The following MICU1 variants were observed in gnomAD, a reference collection of about 807,000 sequenced individuals.
The protein encoded by MICU1 is calcium uptake protein 1, mitochondrial.
MICU1 carries 45 observed loss-of-function variants against 56.8 expected under a neutral mutation model. The ratio of observed to expected loss-of-function variants is 0.79; its 90% CI spans 0.62 to 1.02. The LOEUF (loss-of-function observed/expected upper bound fraction) is 1.02, where lower values mean the gene tolerates loss of function less well. Ranked by LOEUF, MICU1 falls within the 50% of genes least tolerant of loss-of-function variation. The pLI, the probability that MICU1 is intolerant of heterozygous loss-of-function variation, is 0.00. For missense variants in MICU1, 504 were observed against 587.1 expected (o/e 0.86, Z 1.46); for synonymous variants, 186 against 195.1 (o/e 0.95, Z 0.39).
At chr10:72,413,931 A>G (rs550546020) in intron 9 of MICU1, among the ~76,000 whole-genome samples, 13 of 152,326 alleles carry the variant, frequency 8.5e-5, no homozygotes, top group Admixed American at 8.5e-4. Flanking sequence ...ACAATGATAT[A>G]CCACTACACA....
intron 6 of MICU1, among the ~76,000 whole-genome samples, chr10:72,497,173 C>T (rs1183781616): frequency 6.6e-6 from 1 of 152,078 alleles, no homozygotes; most frequent in Non-Finnish European, 1.5e-5. Flanking sequence ...AATTCTCCTG[C>T]CTCAGCCTCC....
chr10:72,533,027 C>T, intron 5 of MICU1: 1 of 1,289,160 alleles, frequency 7.8e-7, no homozygotes, highest in Non-Finnish European at 1.0e-6. Flanking sequence ...GTCCTTCTGA[C>T]TTCCTGTTCA....
intron 9 of MICU1, among the ~76,000 whole-genome samples, chr10:72,421,018 AT>A (rs1217291559): frequency 0.048 from 6,053 of 127,126 alleles, 283 homozygotes; most frequent in African/African-American, 0.14. Flanking sequence ...AAAAAAAAAA[AT>A]AATAATAATA....
chr10:72,448,043 T>A (rs1865159794), intron 8 of MICU1, among the ~76,000 whole-genome samples: 1 of 151,530 alleles, frequency 6.6e-6, no homozygotes, highest in Non-Finnish European at 1.5e-5. Flanking sequence ...TCATCCATTT[T>A]AATTCTCACC....
chr10:72,447,155 A>G (rs1287378659), intron 8 of MICU1, among the ~76,000 whole-genome samples: 1 of 152,222 alleles, frequency 6.6e-6, no homozygotes, highest in African/African-American at 2.4e-5. Context: ...GCAAAGGTTT[A>G]CGGAAACAGG....
At chr10:72,420,368 A>G (rs1864118305) in intron 9 of MICU1, among the ~76,000 whole-genome samples, 1 of 150,136 alleles carries the variant, frequency 6.7e-6, no homozygotes, top group Non-Finnish European at 1.5e-5. Flanking sequence ...GCCATAAGAC[A>G]TGTCTTTTCT....
chr10:72,367,370 T>A lies in MICU1; in HGVS notation c.*825A>T, dbSNP rs1002610159. 6.6e-6 allele frequency: 1 copy of A among 152,344 alleles called. No individual in the cohort carries two copies. The highest frequency in any genetic ancestry group is 2.4e-5 in the African/African-American group (1 of 41,460). The allele number at this position is 152,344 out of a possible 1,614,324, so 9.4% of individuals were successfully genotyped here. On this transcript the variant is annotated 3_prime_UTR_variant, in exon 12 of 12. Coordinates refer to ENST00000361114, the MANE Select transcript of MICU1 (RefSeq NM_001195518.2). ...TGGGGATGTTTATTGCAAATGGTTA[T>A]AATTTAAGTGATATTTACAATTGTT...
chr10:72,624,430 G>A (rs116846404), intron 1 of MICU1, among the ~76,000 whole-genome samples: 2,074 of 152,194 alleles, frequency 0.014, 20 homozygotes, highest in Admixed American at 0.024. Flanking sequence ...GGATCCACCC[G>A]GCCTCCCAAA....
intron 9 of MICU1, among the ~76,000 whole-genome samples, chr10:72,418,865 T>C (rs1481730399): frequency 6.6e-6 from 1 of 152,372 alleles, no homozygotes; most frequent in East Asian, 1.9e-4. Flanking sequence ...CTTTAGTTAA[T>C]TGCTATGTTC....
intron 9 of MICU1, among the ~76,000 whole-genome samples, chr10:72,411,901 A>G (rs1427107240): frequency 6.6e-6 from 1 of 152,230 alleles, no homozygotes; most frequent in Non-Finnish European, 1.5e-5. Flanking sequence ...TTGGTGATTC[A>G]GAAAAACAGT....
At chr10:72,532,074 T>A (rs1435281731) in intron 5 of MICU1, among the ~76,000 whole-genome samples, 3 of 151,956 alleles carry the variant, frequency 2.0e-5, no homozygotes, top group Admixed American at 2.0e-4. Flanking sequence ...TCACAGCACT[T>A]TGGGAGGCCG....
intron 1 of MICU1, among the ~76,000 whole-genome samples, chr10:72,584,518 G>A (rs1036400556): frequency 4.6e-5 from 7 of 151,762 alleles, no homozygotes; most frequent in African/African-American, 1.2e-4. Context: ...TTCAAGTCTC[G>A]GAAATTAAGT....
intron 6 of MICU1, among the ~76,000 whole-genome samples, chr10:72,496,857 C>A (rs1445740533): frequency 1.3e-5 from 2 of 152,160 alleles, no homozygotes; most frequent in Non-Finnish European, 2.9e-5. Context: ...CAGGAGTGAG[C>A]CACTGTGCCC....
chr10:72,599,387 A>C (rs916119205), intron 1 of MICU1, among the ~76,000 whole-genome samples: 1 of 152,198 alleles, frequency 6.6e-6, no homozygotes, highest in African/African-American at 2.4e-5. Flanking sequence ...GATAAGTTTT[A>C]CATCAGGCGC....
At chr10:72,403,105 C>T (rs909003654) in intron 10 of MICU1, among the ~76,000 whole-genome samples, 5 of 151,930 alleles carry the variant, frequency 3.3e-5, no homozygotes, top group Non-Finnish European at 7.4e-5. Context: ...GGGCCGGGCG[C>T]GGTGGCTGAC....
At position 72,432,876 on chromosome 10, in the gene MICU1, T is replaced by TGTGTGG. The variant is rs1864586678; in HGVS notation, c.934-9506_934-9505insCCACAC. Among the ~76,000 whole-genome samples the TGTGTGG allele has an allele frequency of 5.3e-5, 8 of 152,332 alleles. No individual in the cohort carries two copies. The South Asian group carries it at 1.7e-3, about 32-fold the overall frequency. ...ATCACTCAGTTTGCCCATCTGTTAA[T>TGTGTGG]TTTGTTTAGGTCTGTTTTATGTGTG... is the stretch of plus-strand genomic sequence containing the variant. On this transcript the variant is annotated intron_variant, in intron 8 of 11. Transcript: ENST00000361114.
At chr10:72,561,024 G>A (rs1209576959) in intron 3 of MICU1, among the ~76,000 whole-genome samples, 2 of 152,162 alleles carry the variant, frequency 1.3e-5, no homozygotes, top group Non-Finnish European at 2.9e-5. Flanking sequence ...CAGAATAAGT[G>A]TTGAAATAGA....
At chr10:72,443,144 G>GT (rs1264598954) in intron 8 of MICU1, among the ~76,000 whole-genome samples, 1 of 152,130 alleles carries the variant, frequency 6.6e-6, no homozygotes, top group East Asian at 1.9e-4. Context: ...TTTTTCATGT[G>GT]TTTTTTGGCT....
intron 9 of MICU1, among the ~76,000 whole-genome samples, chr10:72,410,494 C>T (rs1016468252): frequency 1.3e-5 from 2 of 152,184 alleles, no homozygotes; most frequent in South Asian, 4.1e-4. Context: ...TGGCAAATGC[C>T]TGCAATCCCA....
Sources: allele counts gnomAD v4.1 joint callset (sites outside exome capture counted in the v4.1 genomes callset), GRCh38; gene constraint gnomAD v4.1.1; transcripts MANE v1.5; gene names NCBI Gene and HGNC (gene_info 2026-07-23, HGNC 2026-07-21).